The following DDX60 variants were observed in gnomAD, a reference collection of about 807,000 sequenced individuals.
DDX60 encodes DExD/H-box helicase 60, also known as probable ATP-dependent RNA helicase DDX60.
A neutral mutation model predicts 212.8 loss-of-function variants in DDX60; 165 were observed. The observed-to-expected ratio is 0.78, with a 90% confidence interval of 0.68 to 0.88. The LOEUF (loss-of-function observed/expected upper bound fraction) is 0.88. Ranked by LOEUF, DDX60 falls within the 40% of genes least tolerant of loss-of-function variation. The pLI is 0.00. For missense variants in DDX60, 1,905 were observed against 2,003.9 expected, an observed-to-expected ratio of 0.95 and a Z score of 0.94; for synonymous variants, 703 against 685.3, an observed-to-expected ratio of 1.03 and a Z score of -0.40.
At chr4:168,272,272 A>C (rs907825384) in intron 18 of DDX60, 134 bp from the exon 19 acceptor site, 47 of 689,836 alleles carry the variant, frequency 6.8e-5, no homozygotes, top group Non-Finnish European at 2.4e-5. Context: ...ATTGCTTCTG[A>C]GAATTCAGGG....
intron 25 of DDX60, among the ~76,000 whole-genome samples, chr4:168,258,005 A>C (rs1000035072): frequency 1.3e-5 from 2 of 152,226 alleles, no homozygotes; most frequent in African/African-American, 4.8e-5. Flanking sequence ...CTTCAGCAGT[A>C]AATAAAGAAC....
At chr4:168,227,962 A>C (rs2149492465) in intron 33 of DDX60, among the ~76,000 whole-genome samples, 1 of 152,204 alleles carries the variant, frequency 6.6e-6, no homozygotes, top group South Asian at 2.1e-4. Context: ...GACTTGTATA[A>C]ATAGCATATA....
intron 28 of DDX60, among the ~76,000 whole-genome samples, chr4:168,248,761 A>AT (rs371912102): frequency 0.33 from 48,085 of 146,322 alleles, 7,767 homozygotes; most frequent in South Asian, 0.44. Flanking sequence ...GTGTTCAGTA[A>AT]TTTTTTTTTT....
chr4:168,251,181 T>C (rs527763371), intron 27 of DDX60, 75 bp from the exon 28 acceptor site: 7 of 1,372,080 alleles, frequency 5.1e-6, no homozygotes, highest in African/African-American at 1.5e-5. Context: ...GAAAATAACA[T>C]GCATACTATG....
In DDX60 at chr4:168,293,885, C is replaced by G; in HGVS notation, c.784G>C (p.Val262Leu). 1 of 1,614,012 alleles carries G rather than the reference C, an allele frequency of 6.2e-7. No individual in the cohort carries two copies. The highest frequency in any genetic ancestry group is 8.5e-7 in the Non-Finnish European group (1 of 1,179,974). Residue 262 changes from valine to leucine, a missense_variant, in exon 7 of 38, where the codon GTC becomes CTC. By Grantham distance (32) the Val-to-Leu change is conservative (BLOSUM62 1). Transcript: ENST00000393743. ...AATGAGCATGAAGTAACACAAAAGA[C>G]ACGCCGAATGTCAGATCCTTCTGGC... ...VWPEGSDIRR[V>L]FCVTSCSLSL...
At chr4:168,257,934 T>A in intron 25 of DDX60, among the ~76,000 whole-genome samples, 1 of 152,174 alleles carries the variant, frequency 6.6e-6, no homozygotes, top group Non-Finnish European at 1.5e-5. Flanking sequence ...CTGGCATCAA[T>A]TTATCGGTGG....
chr4:168,305,039 T>G (rs541562168), intron 5 of DDX60, among the ~76,000 whole-genome samples: 59 of 152,232 alleles, frequency 3.9e-4, no homozygotes, highest in African/African-American at 1.4e-3. Flanking sequence ...TATACCATTT[T>G]CAAATGTACC....
At chr4:168,310,188 T>A (rs534910829) in intron 3 of DDX60, among the ~76,000 whole-genome samples, 1 of 152,158 alleles carries the variant, frequency 6.6e-6, no homozygotes, top group Non-Finnish European at 1.5e-5. Flanking sequence ...AACACAACGA[T>A]GCTGAAGTGG....
intron 1 of DDX60, among the ~76,000 whole-genome samples, chr4:168,312,631 G>A (rs910727487): frequency 6.6e-6 from 1 of 151,764 alleles, no homozygotes; most frequent in Admixed American, 6.6e-5. Context: ...CATTCAATAT[G>A]TTAGGGCTAT....
At position 168,300,580 on chromosome 4, in the gene DDX60, ATG is replaced by A. The variant is rs59696275; in HGVS notation, c.723+1718_723+1719del. Among the ~76,000 whole-genome samples the A allele has an allele frequency of 7.0e-3, 1,011 of 145,368 alleles. 3 individuals are homozygous for A. The highest frequency in any genetic ancestry group is 0.018 in the Middle Eastern group (5 of 282). Reference sequence around the variant, plus strand: ...TACGATCTATGTGTTTAACACCAGAATGTGTGTGTGTGTGTGTGTGTGTGTGT... The same window carrying A: ...TACGATCTATGTGTTTAACACCAGAATGTGTGTGTGTGTGTGTGTGTGTGT... On this transcript the variant is annotated intron_variant, in intron 6 of 37. Coordinates refer to ENST00000393743, the MANE Select transcript of DDX60 (RefSeq NM_017631.6).
upstream of DDX60, among the ~76,000 whole-genome samples, chr4:168,320,664 C>T (rs551111104): frequency 5.3e-5 from 8 of 152,128 alleles, no homozygotes; most frequent in Non-Finnish European, 1.2e-4. Context: ...AAATGAATAA[C>T]ATATTTGCAA....
intron 30 of DDX60, among the ~76,000 whole-genome samples, 180 bp downstream of exon 30, chr4:168,246,234 GAAAC>G (rs955802120): frequency 6.6e-6 from 1 of 152,104 alleles, no homozygotes; most frequent in Non-Finnish European, 1.5e-5. Context: ...TCTGATGGTG[GAAAC>G]AAACAAAACT....
rs1734261758 is a variant in DDX60 at position 168,252,640 on chromosome 4, T to C, written c.3574A>G (p.Lys1192Glu). ...CTTTGATCCACATTTCTGGTTTTTT[T>C]CTGGCTCTTTTCATCTCTGTTCATA... ...KQKIIDEKSQ[K>E]KTRNVDQSLI... Residue 1192 changes from lysine to glutamate, a missense_variant, in exon 27 of 38, where the codon AAA becomes GAA. Transcript: ENST00000393743. 6.2e-7 allele frequency: 1 copy of C among 1,610,302 alleles called. No homozygotes were observed. The highest frequency in any genetic ancestry group is 1.3e-5 in the African/African-American group (1 of 74,904).
intron 33 of DDX60, among the ~76,000 whole-genome samples, chr4:168,230,547 T>C (rs1416901775): frequency 6.6e-6 from 1 of 152,050 alleles, no homozygotes; most frequent in Non-Finnish European, 1.5e-5. Flanking sequence ...CTCAAAACCA[T>C]GCAAATACAT....
chr4:168,228,837 T>C (rs1370444236), intron 33 of DDX60, among the ~76,000 whole-genome samples: 1 of 152,096 alleles, frequency 6.6e-6, no homozygotes, highest in Admixed American at 6.6e-5. Flanking sequence ...GCAGACTTGA[T>C]AGCAATGAAT....
Position 168,268,914 on chromosome 4 carries a change from A to G in DDX60, c.2726T>C (p.Met909Thr), listed in dbSNP as rs1310700984. The G allele has an allele frequency of 6.3e-7, 1 of 1,599,440 alleles. No homozygotes were observed. The highest frequency in any genetic ancestry group is 8.5e-7 in the Non-Finnish European group (1 of 1,170,662). The change falls in exon 20 of 38, where the codon ATG (methionine) becomes ACG (threonine). Residue 909 changes from methionine (M) to threonine (T), a missense_variant. Coordinates refer to ENST00000393743, the MANE Select transcript of DDX60 (RefSeq NM_017631.6). ...AAGAGCCAAAAAGGGACATCGGATC[A>G]TGACAAGGAGATGTTCCCAGATTTC... is the stretch of plus-strand genomic sequence containing the variant. ...GAEIWEHLLV[M>T]IRCPFLALSA...
In DDX60 at chr4:168,276,185, G is replaced by GATAAAAA. The variant is rs1735331265; in HGVS notation, c.1979-5_1979-4insTTTTTAT. On this transcript the variant is annotated splice_region_variant and splice_polypyrimidine_tract_variant and intron_variant, in intron 14 of 37. Coordinates refer to ENST00000393743, the MANE Select transcript of DDX60 (RefSeq NM_017631.6). The stretch of plus-strand genomic sequence containing the variant: ...CTTAAATCTTTCGTGGTTTTACCTT[G>GATAAAAA]ATAAACAATAAACAATAAAATTGTT... The GATAAAAA allele has an allele frequency of 6.3e-7, 1 of 1,590,370 alleles. No homozygotes were observed. The highest frequency in any genetic ancestry group is 8.6e-7 in the Non-Finnish European group (1 of 1,165,800).
Position 168,246,437 on chromosome 4 carries a change from G to A in DDX60, c.4145C>T (p.Pro1382Leu). 1.9e-6 allele frequency: 3 copies of A among 1,614,006 alleles called. No individual in the cohort carries two copies. The highest frequency in any genetic ancestry group is 1.7e-6 in the Non-Finnish European group (2 of 1,179,972). The change falls in exon 30 of 38, where the codon CCA (proline) becomes CTA (leucine). Residue 1382 changes from proline to leucine, a missense_variant. Physicochemically the swap from Pro to Leu is moderately conservative, Grantham distance 98. Coordinates refer to ENST00000393743, the MANE Select transcript of DDX60 (RefSeq NM_017631.6). ...CGGTACCTTTGCCTTGGCATCCTCT[G>A]GGTCATCTCCCTTGGAAGCCAGCAG... ...LMLLASKGDD[P>L]EDAKAKVLSV...
intron 8 of DDX60, among the ~76,000 whole-genome samples, chr4:168,291,094 T>C (rs946013304): frequency 6.6e-6 from 1 of 152,122 alleles, no homozygotes; most frequent in Non-Finnish European, 1.5e-5. Context: ...CTTCTTAATA[T>C]TCCATAATAG....
Sources: gnomAD v4.1 joint callset for allele counts (sites outside exome capture counted in the v4.1 genomes callset) on GRCh38, gnomAD v4.1.1 for gene constraint, MANE v1.5 for transcripts, NCBI Gene and HGNC (gene_info 2026-07-23, HGNC 2026-07-21) for gene names.